The following TUSC3 variants were observed in gnomAD, a reference collection of about 807,000 sequenced individuals.
The protein encoded by TUSC3 is dolichyl-diphosphooligosaccharide--protein glycosyltransferase subunit TUSC3.
A neutral mutation model predicts 44.8 loss-of-function variants in TUSC3; 45 were observed. The ratio of observed to expected loss-of-function variants is 1.00; its 90% CI spans 0.79 to 1.29. The LOEUF is 1.29. Among genes scored for constraint, TUSC3 ranks in the 50% most tolerant of loss-of-function variants. TUSC3 has a pLI of 0.00. For synonymous variants in TUSC3, 212 were observed against 152.9 expected, an observed-to-expected ratio of 1.39 and a Z score of -2.85; for missense variants, 519 against 437.9, an observed-to-expected ratio of 1.19 and a Z score of -1.65.
At chr8:15,441,337 G>A (rs1326459909) in intron 1 of TUSC3, among the ~76,000 whole-genome samples, 2 of 152,200 alleles carry the variant, frequency 1.3e-5, no homozygotes, top group Non-Finnish European at 2.9e-5. Context: ...AGCCCAGGAG[G>A]TGGAGTTTTC....
chr8:15,721,739 AAC>A (rs1364935606), intron 6 of TUSC3, among the ~76,000 whole-genome samples: 3 of 152,090 alleles, frequency 2.0e-5, no homozygotes, highest in Admixed American at 6.6e-5. Context: ...TTATCAATAA[AAC>A]ACAAATTACT....
At chr8:15,663,245 A>G (rs1807506895) in intron 5 of TUSC3, among the ~76,000 whole-genome samples, 2 of 151,884 alleles carry the variant, frequency 1.3e-5, no homozygotes, top group South Asian at 2.1e-4. Context: ...ATATACATAT[A>G]TCTAGATAAA....
intron 1 of TUSC3, among the ~76,000 whole-genome samples, chr8:15,586,399 G>T (rs530554627): frequency 1.3e-5 from 2 of 152,120 alleles, no homozygotes; most frequent in Non-Finnish European, 2.9e-5. Context: ...GGGGTGGGAT[G>T]GAGAGACCAC....
chr8:15,786,810 G>C, the TUSC3 span, among the ~76,000 whole-genome samples: 20 of 151,774 alleles, frequency 1.3e-4, no homozygotes, highest in African/African-American at 3.6e-4. Context: ...TGGGTGTGGT[G>C]GTGGGCGCCT....
At chr8:15,535,255 G>A (rs984453447), upstream of TUSC3, among the ~76,000 whole-genome samples, 1 of 152,196 alleles carries the variant, frequency 6.6e-6, no homozygotes, top group South Asian at 2.1e-4. Flanking sequence ...CCAGTTTGAA[G>A]GCTTATGTTT....
At chr8:15,522,296 T>C (rs550129001) in intron 2 of TUSC3, among the ~76,000 whole-genome samples, 50 of 152,034 alleles carry the variant, frequency 3.3e-4, no homozygotes, top group Non-Finnish European at 6.2e-4. Flanking sequence ...GCAGTGGTGC[T>C]ATCTTGGCTC....
intron 1 of TUSC3, among the ~76,000 whole-genome samples, chr8:15,573,392 T>TGAC (rs1802966702): frequency 1.3e-5 from 2 of 151,778 alleles, no homozygotes; most frequent in Non-Finnish European, 2.9e-5. Context: ...AAGCTGTTCC[T>TGAC]ACACAATAGC....
chr8:15,423,043 T>C lies in TUSC3; in HGVS notation n.91+5738T>C, dbSNP rs111865109. Among the ~76,000 whole-genome samples the C allele has an allele frequency of 1.9e-4, 29 of 152,308 alleles. 3 individuals are homozygous for C. The highest frequency in any genetic ancestry group is 6.7e-4 in the African/African-American group (28 of 41,562). On this transcript the variant is annotated intron_variant and non_coding_transcript_variant, in intron 1 of 5. Coordinates refer to the TUSC3 transcript ENST00000503191. ...ATACAATTTTTATTTCTTGACTTAG[T>C]AAATATATAGAAATTTCTATCAAAA...
chr8:15,829,384 G>A, the TUSC3 span, among the ~76,000 whole-genome samples: 1 of 152,142 alleles, frequency 6.6e-6, no homozygotes, highest in Non-Finnish European at 1.5e-5. Flanking sequence ...CTGAATGACA[G>A]GGGCCATTTT....
chr8:15,806,114 G>A, the TUSC3 span: 7 of 418,388 alleles, frequency 1.7e-5, no homozygotes, highest in Middle Eastern at 1.1e-3. Context: ...AGCTTTGGAG[G>A]TGAAGGTAAA....
the TUSC3 span, among the ~76,000 whole-genome samples, chr8:15,781,380 AAAAC>A: frequency 6.6e-6 from 1 of 152,208 alleles, no homozygotes; most frequent in African/African-American, 2.4e-5. Context: ...GGGCCCACGT[AAAAC>A]AAACACAGCA....
At chr8:15,828,293 C>T in the TUSC3 span, among the ~76,000 whole-genome samples, 26,203 of 152,144 alleles carry the variant, frequency 0.17, 2,409 homozygotes, top group Admixed American at 0.28. Flanking sequence ...CCGCACCCAG[C>T]CAATATAATT....
At chr8:15,760,575 T>TG (rs1332344265) in intron 10 of TUSC3, among the ~76,000 whole-genome samples, 4 of 152,062 alleles carry the variant, frequency 2.6e-5, no homozygotes, top group East Asian at 1.9e-4. Flanking sequence ...TCTAAATCAT[T>TG]GGGGGGTGGG....
At chr8:15,486,675 C>G (rs1024217907) in intron 2 of TUSC3, among the ~76,000 whole-genome samples, 1 of 151,918 alleles carries the variant, frequency 6.6e-6, no homozygotes, top group South Asian at 2.1e-4. Context: ...GAGCTCCTGA[C>G]CTCGTGATTC....
chr8:15,688,992 G>T, intron 6 of TUSC3: 1 of 251,902 alleles, frequency 4.0e-6, no homozygotes, highest in East Asian at 1.4e-4. Context: ...TGCTGACTTG[G>T]GGTTACAGTC....
intron 1 of TUSC3, among the ~76,000 whole-genome samples, chr8:15,564,917 G>A (rs1178762054): frequency 6.6e-6 from 1 of 152,142 alleles, no homozygotes; most frequent in Non-Finnish European, 1.5e-5. Flanking sequence ...AGAGGCCACT[G>A]TTCTTTACAG....
chr8:15,701,859 GAT>G (rs1383605996), intron 6 of TUSC3, among the ~76,000 whole-genome samples: 2 of 152,138 alleles, frequency 1.3e-5, no homozygotes, highest in African/African-American at 4.8e-5. Context: ...TGTTGTCTCT[GAT>G]AAATTGGTCT....
chr8:15,480,221 A>C (rs1315932885), intron 1 of TUSC3, among the ~76,000 whole-genome samples: 1 of 152,248 alleles, frequency 6.6e-6, no homozygotes, highest in Non-Finnish European at 1.5e-5. Context: ...GCTCAAGGAT[A>C]GGAAGAATCA....
chr8:15,497,548 G>A (rs1350995006), intron 2 of TUSC3, among the ~76,000 whole-genome samples: 1 of 152,086 alleles, frequency 6.6e-6, no homozygotes, highest in Non-Finnish European at 1.5e-5. Flanking sequence ...TTCTTCGGAG[G>A]GGTGGCATTT....
Sources: allele counts gnomAD v4.1 joint callset (sites outside exome capture counted in the v4.1 genomes callset), GRCh38; gene constraint gnomAD v4.1.1; transcripts MANE v1.5; gene names NCBI Gene and HGNC (gene_info 2026-07-23, HGNC 2026-07-21).